The following TNR variants were observed in gnomAD, a reference collection of about 807,000 sequenced individuals.
TNR encodes tenascin R, also known as tenascin-R.
Under a neutral mutation model 150.4 loss-of-function variants are expected in TNR, and 45 were observed. That is an observed-to-expected ratio of 0.30 (90% CI 0.24 to 0.38). TNR has a LOEUF of 0.38. Among genes scored for constraint, TNR ranks in the 10% least tolerant of loss-of-function variants. The pLI, the probability that TNR is intolerant of heterozygous loss-of-function variation, is 1.00. For missense variants in TNR, 1,544 were observed against 1,759.1 expected, an observed-to-expected ratio of 0.88 and a Z score of 2.19; for synonymous variants, 687 against 678.4, an observed-to-expected ratio of 1.01 and a Z score of -0.20.
chr1:175,691,583 C>T (rs1353025020), intron 1 of TNR, among the ~76,000 whole-genome samples: 1 of 152,000 alleles, frequency 6.6e-6, no homozygotes, highest in Admixed American at 6.6e-5. Flanking sequence ...TAAAAATCAG[C>T]TTCAGAGCCT....
intron 8 of TNR, among the ~76,000 whole-genome samples, chr1:175,382,257 C>T (rs974573532): frequency 2.0e-5 from 3 of 152,180 alleles, no homozygotes; most frequent in African/African-American, 7.2e-5. Context: ...TGCTTGGCAC[C>T]TGGTAGGTGT....
chr1:175,522,697 C>A (rs1057007927), intron 2 of TNR, among the ~76,000 whole-genome samples: 3 of 152,088 alleles, frequency 2.0e-5, no homozygotes, highest in Non-Finnish European at 4.4e-5. Context: ...GAGAGGCTAA[C>A]CTCAGGGTTG....
rs117776994 is a variant in TNR, at chr1:175,567,284, G to A, written c.-164-38915C>T. Reference sequence around the variant, plus strand: ...TGGAAAAGGAAAGGTGGCCCATGTCGAGGCATTTCCACTGGACCATCTGCC... The same window carrying A: ...TGGAAAAGGAAAGGTGGCCCATGTCAAGGCATTTCCACTGGACCATCTGCC... On this transcript the variant is annotated intron_variant, in intron 1 of 22. Transcript: ENST00000367674. Among the ~76,000 whole-genome samples, 264 of 152,286 alleles carry A rather than the reference G, an allele frequency of 1.7e-3. 4 individuals are homozygous for A. In the East Asian group the frequency reaches 0.042, roughly 24 times the overall value.
At chr1:175,380,461 C>T (rs1652619371) in intron 8 of TNR, among the ~76,000 whole-genome samples, 1 of 151,936 alleles carries the variant, frequency 6.6e-6, no homozygotes, top group Admixed American at 6.6e-5. Flanking sequence ...GTCTCAGCTA[C>T]TTGGGAGGCT....
Position 175,337,699 on chromosome 1 carries a change from T to C in TNR, c.3383-20A>G, listed in dbSNP as rs942393910. 22 of 1,613,324 alleles carry C rather than the reference T, an allele frequency of 1.4e-5. No homozygotes were observed. Among genetic ancestry groups the C allele is most frequent in the Non-Finnish European group, 1.8e-5 (21 of 1,179,688 alleles). On this transcript the variant is annotated intron_variant, in intron 18 of 22. Coordinates refer to ENST00000367674, the MANE Select transcript of TNR (RefSeq NM_003285.3). Reference sequence around the variant, plus strand: ...GGCCTCCTGCAAGGAAAATAGACAATGTCCAGAAAGGATTCTTTCTCTCAC... The same window carrying C: ...GGCCTCCTGCAAGGAAAATAGACAACGTCCAGAAAGGATTCTTTCTCTCAC...
intron 2 of TNR, among the ~76,000 whole-genome samples, chr1:175,512,554 C>T (rs1388375740): frequency 6.6e-6 from 1 of 152,214 alleles, no homozygotes; most frequent in East Asian, 1.9e-4. Flanking sequence ...GCCCCTGAAC[C>T]TGGTGAAAAC....
intron 14 of TNR, among the ~76,000 whole-genome samples, 181 bp downstream of exon 14, chr1:175,362,482 G>A (rs886151798): frequency 9.2e-5 from 14 of 152,262 alleles, no homozygotes; most frequent in African/African-American, 2.9e-4. Flanking sequence ...CTCTCTAAAC[G>A]TTTAGTATTA....
At chr1:175,646,024 T>C (rs959515205) in intron 1 of TNR, among the ~76,000 whole-genome samples, 1 of 152,358 alleles carries the variant, frequency 6.6e-6, no homozygotes, top group East Asian at 1.9e-4. Flanking sequence ...TTTTTCCTAA[T>C]GCTCAGGTGC....
At chr1:175,733,045 C>A (rs1281014248) in intron 1 of TNR, among the ~76,000 whole-genome samples, 1 of 152,210 alleles carries the variant, frequency 6.6e-6, no homozygotes, top group African/African-American at 2.4e-5. Flanking sequence ...TCATCACTGG[C>A]AGGCCTTGGT....
intron 2 of TNR, among the ~76,000 whole-genome samples, chr1:175,501,506 G>A (rs1158670412): frequency 6.6e-6 from 1 of 152,184 alleles, no homozygotes; most frequent in East Asian, 1.9e-4. Flanking sequence ...GCAGCCTTGT[G>A]AGGCCTGGGC....
rs772662328 is a variant in TNR at position 175,393,910 on chromosome 1, T to G, written c.1241-15A>C. The G allele has an allele frequency of 2.3e-5, 37 of 1,587,354 alleles. No homozygotes were observed. Among genetic ancestry groups the G allele is most frequent in the Non-Finnish European group, 3.1e-5 (36 of 1,155,752 alleles). On this transcript the variant is annotated splice_polypyrimidine_tract_variant and intron_variant, in intron 5 of 22. Coordinates refer to ENST00000367674, the MANE Select transcript of TNR (RefSeq NM_003285.3). ...AGTGGAGAGATCTGGAACACAGCAA[T>G]GTAGGTGACAATGTCATGGCTAACC... is the stretch of plus-strand genomic sequence containing the variant.
intron 2 of TNR, among the ~76,000 whole-genome samples, chr1:175,523,179 G>A (rs554258613): frequency 6.6e-6 from 1 of 152,320 alleles, no homozygotes; most frequent in African/African-American, 2.4e-5. Context: ...TGAGAATCCA[G>A]CAGCGCCTCT....
chr1:175,330,428 A>G, intron 20 of TNR, 193 bp from the exon 21 acceptor site: 1 of 508,830 alleles, frequency 2.0e-6, no homozygotes, highest in Non-Finnish European at 3.2e-6. Context: ...CAAAGAGGAC[A>G]GTCCAGGTCT....
chr1:175,528,340 C>A lies in TNR; in HGVS notation c.-135G>T, dbSNP rs1190659170. On this transcript the variant is annotated 5_prime_UTR_variant, in exon 2 of 23. Coordinates refer to ENST00000367674, the MANE Select transcript of TNR (RefSeq NM_003285.3). ...TAATCCTAATTCCAAAAGAGACCTGCCCTCTATGCAGTTAAAACGATACAG... is the reference window on the plus strand; with the variant it reads ...TAATCCTAATTCCAAAAGAGACCTGACCTCTATGCAGTTAAAACGATACAG... 6.6e-6 allele frequency: 1 copy of A among 152,154 alleles called. No individual in the cohort carries two copies. The highest frequency in any genetic ancestry group is 1.5e-5 in the Non-Finnish European group (1 of 68,038). The allele number at this position is 152,154 out of a possible 1,614,324, so 9.4% of individuals were successfully genotyped here. A position where few individuals can be genotyped will look rare whatever the true frequency, so the allele number is the denominator to read the frequency against.
At chr1:175,522,408 G>A (rs1339648729) in intron 2 of TNR, among the ~76,000 whole-genome samples, 1 of 152,224 alleles carries the variant, frequency 6.6e-6, no homozygotes, top group Non-Finnish European at 1.5e-5. Flanking sequence ...CAGCATGAAA[G>A]TGTAGGAAGG....
In TNR at chr1:175,396,703, G is replaced by A; in HGVS notation, c.1081C>T (p.Pro361Ser). ...AVTEYVISYQ[P>S]TALGGLQLQQ... ...AGCTGGAGGCCCCCCAGGGCCGTCG[G>A]CTGGTAAGAGATCACATATTCCGTC... Residue 361 changes from proline (P) to serine (S), a missense_variant, in exon 5 of 23, where the codon CCG becomes TCG. Coordinates refer to ENST00000367674, the MANE Select transcript of TNR (RefSeq NM_003285.3). 1.9e-6 allele frequency: 3 copies of A among 1,614,232 alleles called. No homozygotes were observed. The highest frequency in any genetic ancestry group is 2.5e-6 in the Non-Finnish European group (3 of 1,180,046).
At chr1:175,658,277 A>G (rs541275412) in intron 1 of TNR, among the ~76,000 whole-genome samples, 1 of 152,190 alleles carries the variant, frequency 6.6e-6, no homozygotes, top group Admixed American at 6.5e-5. Flanking sequence ...CTTTGACTTT[A>G]TGGGGAGAAG....
At chr1:175,537,158 G>A (rs1176201560) in intron 1 of TNR, among the ~76,000 whole-genome samples, 3 of 152,196 alleles carry the variant, frequency 2.0e-5, no homozygotes, top group African/African-American at 4.8e-5. Flanking sequence ...ACCCCTTGGA[G>A]AGCACTTAAT....
intron 9 of TNR, among the ~76,000 whole-genome samples, chr1:175,372,797 C>A (rs1344345456): frequency 2.6e-5 from 4 of 152,142 alleles, no homozygotes; most frequent in Admixed American, 1.3e-4. Context: ...ACCTTTCCAT[C>A]TTTAAATCCC....
Sources: gnomAD v4.1 joint callset for allele counts (sites outside exome capture counted in the v4.1 genomes callset) on GRCh38, gnomAD v4.1.1 for gene constraint, MANE v1.5 for transcripts, NCBI Gene and HGNC (gene_info 2026-07-23, HGNC 2026-07-21) for gene names.